Variants in NEK11 observed in about 807,000 individuals in gnomAD.
NEK11 encodes serine/threonine-protein kinase Nek11.
A neutral mutation model predicts 80.7 loss-of-function variants in NEK11; 72 were observed. That is an observed-to-expected ratio of 0.89 (90% CI 0.74 to 1.08). The LOEUF (loss-of-function observed/expected upper bound fraction) is 1.08, where lower values mean the gene tolerates loss of function less well. Among genes scored for constraint, NEK11 ranks in the 50% least tolerant of loss-of-function variants. The pLI, the probability that NEK11 is intolerant of heterozygous loss-of-function variation, is 0.00. For missense variants in NEK11, 764 were observed against 763.6 expected, an observed-to-expected ratio of 1.00 and a Z score of -0.01; for synonymous variants, 251 against 260.7, an observed-to-expected ratio of 0.96 and a Z score of 0.36.
chr3:131,306,922 A>G (rs1458371743), intron 17 of NEK11, among the ~76,000 whole-genome samples: 2 of 152,042 alleles, frequency 1.3e-5, no homozygotes. Flanking sequence ...GGTCCCCGCA[A>G]TGGTTTCTAC....
intron 3 of NEK11, among the ~76,000 whole-genome samples, chr3:131,048,122 A>G (rs1244303277): frequency 6.6e-6 from 1 of 152,146 alleles, no homozygotes; most frequent in African/African-American, 2.4e-5. Context: ...TGTTACTCCT[A>G]CCGTGCCCTC....
intron 17 of NEK11, among the ~76,000 whole-genome samples, chr3:131,282,285 T>TTTTTTTTTTTTTTTTTTTG (rs2096407696): frequency 6.6e-6 from 1 of 152,102 alleles, no homozygotes; most frequent in African/African-American, 2.4e-5. Flanking sequence ...CTGGCATTAT[T>TTTTTTTTTTTTTTTTTTTG]AATGCCATAG....
intron 3 of NEK11, among the ~76,000 whole-genome samples, chr3:131,041,535 C>T (rs904639814): frequency 7.9e-5 from 12 of 151,792 alleles, no homozygotes; most frequent in African/African-American, 1.5e-4. Flanking sequence ...TGTATACATA[C>T]GTAAATATAT....
chr3:131,170,189 A>G (rs558067536), intron 13 of NEK11, among the ~76,000 whole-genome samples: 5 of 152,364 alleles, frequency 3.3e-5, no homozygotes, highest in Admixed American at 3.3e-4. Flanking sequence ...ACACACACAC[A>G]CACAAAACTA....
At chr3:131,290,067 CT>C (rs373856567) in intron 17 of NEK11, among the ~76,000 whole-genome samples, 31 of 152,342 alleles carry the variant, frequency 2.0e-4, no homozygotes, top group African/African-American at 7.5e-4. Flanking sequence ...AGAAAGCCAA[CT>C]CATTATCCAG....
intron 16 of NEK11, among the ~76,000 whole-genome samples, chr3:131,251,874 T>C (rs2095710677): frequency 6.6e-6 from 1 of 152,134 alleles, no homozygotes; most frequent in African/African-American, 2.4e-5. Flanking sequence ...ATTGAGATGA[T>C]GGGAGCACAT....
intron 7 of NEK11, among the ~76,000 whole-genome samples, chr3:131,149,456 A>C (rs1325244615): frequency 2.0e-5 from 3 of 152,132 alleles, no homozygotes; most frequent in Non-Finnish European, 4.4e-5. Context: ...TTTATGGTAG[A>C]ACGATTTGTA....
chr3:131,313,634 C>T (rs1032108497), intron 17 of NEK11, among the ~76,000 whole-genome samples: 3 of 152,052 alleles, frequency 2.0e-5, no homozygotes, highest in African/African-American at 7.2e-5. Context: ...AAAAGTAAGA[C>T]ATAGGAAGTT....
At chr3:131,275,244 T>C (rs2096274312) in intron 17 of NEK11, among the ~76,000 whole-genome samples, 2 of 152,276 alleles carry the variant, frequency 1.3e-5, no homozygotes, top group South Asian at 4.1e-4. Flanking sequence ...GTGTTGCTAA[T>C]TTCCCAGTTG....
In NEK11 at chr3:131,133,941, C is replaced by G. The variant is rs189216038; in HGVS notation, c.632C>G (p.Thr211Arg). Reference sequence around the variant, plus strand: ...GCTCTGAAACACCAAGGCTATGACACAAAGTCGGACATCTGGTGAGTGGGC... The same window carrying G: ...GCTCTGAAACACCAAGGCTATGACAGAAAGTCGGACATCTGGTGAGTGGGC... ...PEALKHQGYDTKSDIWSLACI... is the reference protein window; with the variant it reads ...PEALKHQGYDRKSDIWSLACI... Residue 211 changes from threonine to arginine, a missense_variant, in exon 7 of 18, where the codon ACA (threonine) becomes AGA (arginine). Physicochemically the swap from Thr to Arg is moderately conservative, Grantham distance 71. Transcript: ENST00000383366. The G allele has an allele frequency of 6.2e-6, 10 of 1,609,530 alleles. 1 individual carries two copies. The South Asian group carries it at 1.1e-4, about 18-fold the overall frequency.
At chr3:131,101,955 G>A (rs13089694) in intron 4 of NEK11, among the ~76,000 whole-genome samples, 28,041 of 152,110 alleles carry the variant, frequency 0.18, 2,677 homozygotes, top group Middle Eastern at 0.22. Context: ...GTTCAATTAA[G>A]CCTTTATCAT....
At chr3:131,342,900 C>CTTT (rs1019221169) in intron 17 of NEK11, among the ~76,000 whole-genome samples, 12 of 152,098 alleles carry the variant, frequency 7.9e-5, no homozygotes, top group African/African-American at 2.7e-4. Context: ...TGATAAATGA[C>CTTT]TTTTACCTCA....
At position 131,094,918 on chromosome 3, in the gene NEK11, A is replaced by T. The variant is rs964101233; in HGVS notation, c.336+14330A>T. Among the ~76,000 whole-genome samples the T allele has an allele frequency of 7.2e-5, 11 of 152,288 alleles. No individual in the cohort carries two copies. The East Asian group carries it at 1.9e-3, about 27-fold the overall frequency. ...TTGGGATTATTTTCTCTCTCCTGTG[A>T]TGAGTTAAGGAGTACAGAGCTTCTA... On this transcript the variant is annotated intron_variant, in intron 4 of 17. Coordinates refer to ENST00000383366, the MANE Select transcript of NEK11 (RefSeq NM_024800.5).
chr3:131,069,170 A>G lies in NEK11; in HGVS notation c.171-11253A>G, dbSNP rs975958262. Among the ~76,000 whole-genome samples, 6 of 152,174 alleles carry G rather than the reference A, an allele frequency of 3.9e-5. No individual in the cohort carries two copies. In the South Asian group the frequency reaches 1.2e-3, roughly 32 times the overall value. On this transcript the variant is annotated intron_variant, in intron 3 of 17. Transcript: ENST00000383366. Reference sequence around the variant, plus strand: ...TATTTTTAGTTTATTAGTTTAAACAACTTCTTGCCTAGATTATAATTTAAT... The same window carrying G: ...TATTTTTAGTTTATTAGTTTAAACAGCTTCTTGCCTAGATTATAATTTAAT...
At chr3:131,041,847 T>C (rs1440438384) in intron 3 of NEK11, among the ~76,000 whole-genome samples, 1 of 152,046 alleles carries the variant, frequency 6.6e-6, no homozygotes, top group Non-Finnish European at 1.5e-5. Flanking sequence ...GGTCTGCAGC[T>C]CCCAGCGAGA....
chr3:131,279,081 T>C (rs912281664), intron 17 of NEK11, among the ~76,000 whole-genome samples: 1 of 151,902 alleles, frequency 6.6e-6, no homozygotes, highest in African/African-American at 2.4e-5. Context: ...CTTTTAAAAA[T>C]TTACTTATGC....
At chr3:131,330,464 A>G (rs1479742000) in intron 17 of NEK11, 1 of 152,200 alleles carries the variant, frequency 6.6e-6, no homozygotes, top group Non-Finnish European at 1.5e-5. Flanking sequence ...ACCTTGGGAG[A>G]GAATGTGGAT....
chr3:131,227,229 T>C (rs1282489290), intron 14 of NEK11, among the ~76,000 whole-genome samples: 2 of 152,154 alleles, frequency 1.3e-5, no homozygotes, highest in South Asian at 2.1e-4. Flanking sequence ...AAACCATAGA[T>C]AACAAACACA....
At position 131,314,336 on chromosome 3, in the gene NEK11, C is replaced by T. The variant is rs1009517552; in HGVS notation, c.1719-35221C>T. On this transcript the variant is annotated intron_variant, in intron 17 of 17. Coordinates refer to ENST00000383366, the MANE Select transcript of NEK11 (RefSeq NM_024800.5). ...GTTCCACACAAGGACCAGGTTGTTC[C>T]ACCTGTAGCTGATTTAATATCAAAT... Among the ~76,000 whole-genome samples, 3 of 152,140 alleles carry T rather than the reference C, an allele frequency of 2.0e-5. No homozygotes were observed. In the South Asian group the frequency reaches 6.2e-4, roughly 31 times the overall value.
Sources: gnomAD v4.1 joint callset for allele counts (sites outside exome capture counted in the v4.1 genomes callset) on GRCh38, gnomAD v4.1.1 for gene constraint, MANE v1.5 for transcripts, NCBI Gene and HGNC (gene_info 2026-07-23, HGNC 2026-07-21) for gene names.